The following FCRL2 variants were observed in gnomAD, a reference collection of about 807,000 sequenced individuals.
FCRL2 encodes the protein Fc receptor like 2, also known as Fc receptor-like protein 2.
FCRL2 carries 48 observed loss-of-function variants against 59.8 expected under a neutral mutation model. That is an observed-to-expected ratio of 0.80 (90% CI 0.64 to 1.02). FCRL2 has a LOEUF of 1.02. Among genes scored for constraint, FCRL2 ranks in the 50% least tolerant of loss-of-function variants. The pLI is 0.00. For synonymous variants in FCRL2, 251 were observed against 229.5 expected, an observed-to-expected ratio of 1.09 and a Z score of -0.85; for missense variants, 658 against 597.3, an observed-to-expected ratio of 1.10 and a Z score of -1.06.
chr1:157,770,644 G>A lies in FCRL2; in HGVS notation c.75C>T (p.Pro25=), dbSNP rs1463876629. The change falls in exon 3 of 12, where the codon CCC becomes CCT. Residue 25 remains proline, a synonymous_variant. Coordinates refer to ENST00000361516, the MANE Select transcript of FCRL2 (RefSeq NM_030764.4). ...TGCTGTCTCCTTCGAAGACAGAAGA[G>A]GGCGCCACAAGGGTCAGCGAATCTG... ...EQADSLTLVA[P]SSVFEGDSIV... The A allele has an allele frequency of 6.2e-7, 1 of 1,614,058 alleles. No homozygotes were observed. Among genetic ancestry groups the A allele is most frequent in the East Asian group, 2.2e-5 (1 of 44,892 alleles).
At chr1:157,773,066 G>T (rs1279510528) in intron 2 of FCRL2, among the ~76,000 whole-genome samples, 1 of 152,160 alleles carries the variant, frequency 6.6e-6, no homozygotes. Flanking sequence ...CCTTCTGCCC[G>T]AGAAGTAGAA....
intron 2 of FCRL2, among the ~76,000 whole-genome samples, chr1:157,773,989 C>G (rs1428712082): frequency 6.6e-6 from 1 of 152,148 alleles, no homozygotes; most frequent in African/African-American, 2.4e-5. Context: ...TTAGGCAGAG[C>G]AAATAAATAG....
chr1:157,766,785 G>A (rs766083774), intron 7 of FCRL2, 70 bp downstream of exon 7: 1 of 1,573,002 alleles, frequency 6.4e-7, no homozygotes, highest in East Asian at 2.2e-5. Context: ...TTCTTTTTTT[G>A]TAATTTCAAT....
intron 2 of FCRL2, among the ~76,000 whole-genome samples, chr1:157,775,453 G>C (rs1161282924): frequency 6.6e-6 from 1 of 152,188 alleles, no homozygotes; most frequent in African/African-American, 2.4e-5. Context: ...ACAATAAAGA[G>C]GCATTACAGT....
chr1:157,765,711 T>C (rs1414469101), intron 7 of FCRL2, among the ~76,000 whole-genome samples: 2 of 152,204 alleles, frequency 1.3e-5, no homozygotes, highest in African/African-American at 4.8e-5. Context: ...ATGTGGAAAT[T>C]TAAAAAATAT....
intron 7 of FCRL2, among the ~76,000 whole-genome samples, chr1:157,762,167 G>C (rs2101714539): frequency 6.6e-6 from 1 of 152,286 alleles, no homozygotes; most frequent in South Asian, 2.1e-4. Flanking sequence ...CAGGGGACCT[G>C]AGGTTGGGCT....
chr1:157,750,809 C>A (rs1230657201), intron 7 of FCRL2, among the ~76,000 whole-genome samples: 1 of 152,096 alleles, frequency 6.6e-6, no homozygotes, highest in Non-Finnish European at 1.5e-5. Context: ...TCCAGCAATT[C>A]CTTCTTGAAG....
chr1:157,757,226 T>C (rs1258918537), intron 7 of FCRL2, among the ~76,000 whole-genome samples: 2 of 152,206 alleles, frequency 1.3e-5, no homozygotes, highest in Admixed American at 1.3e-4. Context: ...CTTGGGCACA[T>C]TTATAAGCTG....
At chr1:157,773,360 T>A (rs188778759) in intron 2 of FCRL2, among the ~76,000 whole-genome samples, 2 of 152,258 alleles carry the variant, frequency 1.3e-5, no homozygotes, top group Admixed American at 1.3e-4. Context: ...TGATGGGGGA[T>A]GTCTTTGTAG....
chr1:157,770,574 T>A lies in FCRL2; in HGVS notation c.145A>T (p.Met49Leu), dbSNP rs767877093. ...TCTTTGTTATCCTTATGGTAAGCCATCTTCTGAATTTTCCAGTTCTGTTCT... is the reference window on the plus strand; with the variant it reads ...TCTTTGTTATCCTTATGGTAAGCCAACTTCTGAATTTTCCAGTTCTGTTCT... The part of the protein sequence containing the change: ...QGEQNWKIQK[M>L]AYHKDNKELS... The change falls in exon 3 of 12, where the codon ATG (methionine) becomes TTG (leucine). Residue 49 changes from methionine (M) to leucine (L), a missense_variant. By Grantham distance (15) the Met-to-Leu change is conservative. Coordinates refer to ENST00000361516, the MANE Select transcript of FCRL2 (RefSeq NM_030764.4). The A allele has an allele frequency of 6.2e-7, 1 of 1,614,102 alleles. No homozygotes were observed. The highest frequency in any genetic ancestry group is 2.2e-5 in the East Asian group (1 of 44,896).
At chr1:157,762,746 G>T (rs1330439132) in intron 7 of FCRL2, among the ~76,000 whole-genome samples, 3 of 149,626 alleles carry the variant, frequency 2.0e-5, no homozygotes, top group Non-Finnish European at 4.5e-5. Context: ...CAAAACAAAA[G>T]ATACACTCCA....
intron 7 of FCRL2, among the ~76,000 whole-genome samples, chr1:157,760,703 G>GAAAGAAATAAAGAAAGAAAT (rs56194773): frequency 1.3e-5 from 1 of 79,030 alleles, no homozygotes; most frequent in Non-Finnish European, 2.6e-5. Flanking sequence ...AAGAAGGAAA[G>GAAAGAAATAAAGAAAGAAAT]AAAGAAAGAA....
At chr1:157,758,875 T>C (rs1429133898) in intron 7 of FCRL2, among the ~76,000 whole-genome samples, 4 of 152,300 alleles carry the variant, frequency 2.6e-5, no homozygotes, top group Non-Finnish European at 4.4e-5. Flanking sequence ...TGGCTAACCA[T>C]ATGCAGAATA....
chr1:157,771,078 G>A (rs1649984787), intron 2 of FCRL2, among the ~76,000 whole-genome samples: 1 of 152,032 alleles, frequency 6.6e-6, no homozygotes, highest in African/African-American at 2.4e-5. Flanking sequence ...TATTCATGAG[G>A]GTTCCACCGT....
rs1223970199 is a variant in FCRL2 at position 157,748,888 on chromosome 1, T to C, written c.1380A>G (p.Pro460=). ...GGAGACACTCACCATTGACATACACTGGCTGCAGCTCCTCCATGTCTGGGG... is the reference window on the plus strand; with the variant it reads ...GGAGACACTCACCATTGACATACACCGGCTGCAGCTCCTCCATGTCTGGGG... ...SPTPDMEELQ[P]VYVNVGSVDV... is the part of the protein sequence containing the mutation. The change falls in exon 9 of 12, where the codon CCA becomes CCG. Residue 460 remains proline, a synonymous_variant. Coordinates refer to ENST00000361516, the MANE Select transcript of FCRL2 (RefSeq NM_030764.4). 1.2e-6 allele frequency: 2 copies of C among 1,613,606 alleles called. No homozygotes were observed. Among genetic ancestry groups the C allele is most frequent in the Non-Finnish European group, 1.7e-6 (2 of 1,179,824 alleles).
At chr1:157,751,321 A>G (rs1336658434) in intron 7 of FCRL2, among the ~76,000 whole-genome samples, 1 of 152,234 alleles carries the variant, frequency 6.6e-6, no homozygotes, top group Non-Finnish European at 1.5e-5. Flanking sequence ...AAAACTGGCA[A>G]GAGGCTAAGA....
intron 2 of FCRL2, chr1:157,774,547 G>T (rs1213226374): frequency 6.7e-6 from 3 of 446,422 alleles, no homozygotes; most frequent in Non-Finnish European, 1.3e-5. Flanking sequence ...TGAAGTGGCT[G>T]TTGCCCTGTT....
Position 157,757,616 on chromosome 1 carries a change from T to C in FCRL2, c.1280-7939A>G, listed in dbSNP as rs115487720. On this transcript the variant is annotated intron_variant, in intron 7 of 11. Transcript: ENST00000361516. ...AGAGAAGAGGCCTCAGAATGAAATT[T>C]ATCTTGCTGGCATCTTAACCTTAAA... is the stretch of plus-strand genomic sequence containing the variant. Among the ~76,000 whole-genome samples, 292 of 152,338 alleles carry C rather than the reference T, an allele frequency of 1.9e-3. 3 individuals carry two copies. Among genetic ancestry groups the C allele is most frequent in the African/African-American group, 6.8e-3 (283 of 41,582 alleles).
Position 157,770,016 on chromosome 1 carries a change from T to C in FCRL2, c.445A>G (p.Asn149Asp), listed in dbSNP as rs779174801. The C allele has an allele frequency of 5.0e-6, 8 of 1,614,076 alleles. No homozygotes were observed. In the Admixed American group the frequency reaches 1.3e-4, roughly 27 times the overall value. ...VQLQFCFFRE[N>D]QVLGSGWSSS... Reference sequence around the variant, plus strand: ...CTCCAGCCTGACCCCAGGACCTGGTTTTCTCTGAAGAAGCAGAACTGGAGT... The same window carrying C: ...CTCCAGCCTGACCCCAGGACCTGGTCTTCTCTGAAGAAGCAGAACTGGAGT... Residue 149 changes from asparagine (N) to aspartate (D), a missense_variant, in exon 4 of 12, where the codon AAC becomes GAC. By Grantham distance (23) the Asn-to-Asp change is conservative. Coordinates refer to ENST00000361516, the MANE Select transcript of FCRL2 (RefSeq NM_030764.4).
Sources: allele counts gnomAD v4.1 joint callset (sites outside exome capture counted in the v4.1 genomes callset), GRCh38; gene constraint gnomAD v4.1.1; transcripts MANE v1.5; gene names NCBI Gene and HGNC (gene_info 2026-07-23, HGNC 2026-07-21).